MGA: variants seen among roughly 807,000 people sequenced by gnomAD.
The protein encoded by MGA is MAX gene-associated protein.
In MGA, 40 loss-of-function variants were observed where a neutral mutation model predicts 261.1. The ratio of observed to expected loss-of-function variants is 0.15; its 90% CI spans 0.12 to 0.20. The LOEUF (loss-of-function observed/expected upper bound fraction) is 0.20. MGA is among the 10% of genes least tolerant of loss of function. MGA has a pLI of 1.00. For synonymous variants in MGA, 1,302 were observed against 1,290.6 expected (o/e 1.01, Z -0.19); for missense variants, 3,397 against 3,630.5 (o/e 0.94, Z 1.65).
In MGA at chr15:41,696,895, C is replaced by G. The variant is rs773806335; in HGVS notation, c.1885C>G (p.Pro629Ala). 22 of 1,598,430 alleles carry G rather than the reference C, an allele frequency of 1.4e-5. No individual in the cohort carries two copies. The highest frequency in any genetic ancestry group is 1.9e-5 in the Non-Finnish European group (22 of 1,172,102). ...GAAACTCTGTAAGGCAGGACGACCA[C>G]CTAAGAACACAGGAAAGTCTTTAAT... Residue 629 changes from proline to alanine, a missense_variant, in exon 3 of 24, where the codon CCT (proline) becomes GCT (alanine). Pro to Ala is a conservative substitution (Grantham distance 27). Around this residue, in one of 9 missense-constraint regions of MGA, gnomAD observed 563 missense variants for 563.6 expected, o/e 1.00. Coordinates refer to ENST00000219905, the MANE Select transcript of MGA (RefSeq NM_001164273.2).
intron 1 of MGA, among the ~76,000 whole-genome samples, chr15:41,631,711 G>C (rs2056591312): frequency 6.6e-6 from 1 of 151,816 alleles, no homozygotes. Context: ...ATATGAATCT[G>C]AATTTAAAAG....
chr15:41,676,187 A>AT (rs536715101), intron 2 of MGA, among the ~76,000 whole-genome samples: 1,568 of 146,606 alleles, frequency 0.011, 14 homozygotes, highest in South Asian at 0.017. Context: ...CTCTGGTTTG[A>AT]TTTTTTTTTT....
In MGA at chr15:41,668,840, A is replaced by G; in HGVS notation, c.-55A>G. Reference sequence around the variant, plus strand: ...GCTTGTTTCTTAGGATGGGAAGGCCATTGTGACTATGTGGTGATTACAGTT... The same window carrying G: ...GCTTGTTTCTTAGGATGGGAAGGCCGTTGTGACTATGTGGTGATTACAGTT... On this transcript the variant is annotated 5_prime_UTR_variant, in exon 2 of 24. Coordinates refer to ENST00000219905, the MANE Select transcript of MGA (RefSeq NM_001164273.2). 8 of 1,311,820 alleles carry G rather than the reference A, an allele frequency of 6.1e-6. No homozygotes were observed. The highest frequency in any genetic ancestry group is 2.5e-5 in the Admixed American group (1 of 40,650). The allele number at this position is 1,311,820 out of a possible 1,614,324, so 81.3% of individuals were successfully genotyped here. A position where few individuals can be genotyped will look rare whatever the true frequency, so the allele number is the denominator to read the frequency against.
At chr15:41,743,982 T>C (rs74632327) in intron 15 of MGA, among the ~76,000 whole-genome samples, 1 of 152,142 alleles carries the variant, frequency 6.6e-6, no homozygotes, top group African/African-American at 2.4e-5. Flanking sequence ...GGAACTAATA[T>C]GGAAAAGAGC....
In MGA at chr15:41,750,365, T is replaced by C. The variant is rs776892303; in HGVS notation, c.6758T>C (p.Phe2253Ser). The change falls in exon 17 of 24, where the codon TTC becomes TCC. Residue 2253 changes from phenylalanine to serine, a missense_variant. Around this residue, in one of 9 missense-constraint regions of MGA, gnomAD observed 1,410 missense variants for 1,386.4 expected, o/e 1.02. Coordinates refer to ENST00000219905, the MANE Select transcript of MGA (RefSeq NM_001164273.2). Reference sequence around the variant, plus strand: ...AGTAGGATTTCTAATCCTTCAGCCTTCTCCATTGTTCCTAGGAGAGCTGCA... The same window carrying C: ...AGTAGGATTTCTAATCCTTCAGCCTCCTCCATTGTTCCTAGGAGAGCTGCA... 4 of 1,613,972 alleles carry C rather than the reference T, an allele frequency of 2.5e-6. No homozygotes were observed. In the South Asian group the frequency reaches 4.4e-5, roughly 18 times the overall value.
chr15:41,751,158 C>G (rs1198757950), intron 17 of MGA: 1 of 152,266 alleles, frequency 6.6e-6, no homozygotes, highest in Non-Finnish European at 1.5e-5. Context: ...AATTTATATT[C>G]TAGACTTTGG....
rs781706685 is a variant in MGA, at chr15:41,750,516, AGAT to A, written c.6915_6917del (p.Asp2305del). ...ACTTCACTGTTTTGGATTTGGAAGA[AGAT>A]GATGAAGATGATAATGAGAAAACTG... On this transcript the variant is annotated inframe_deletion, in exon 17 of 24. Transcript: ENST00000219905. 1 of 1,613,596 alleles carries A rather than the reference AGAT, an allele frequency of 6.2e-7. No homozygotes were observed. The highest frequency in any genetic ancestry group is 8.5e-7 in the Non-Finnish European group (1 of 1,179,676).
intron 1 of MGA, among the ~76,000 whole-genome samples, chr15:41,643,117 G>T (rs1478358085): frequency 6.8e-6 from 1 of 148,046 alleles, no homozygotes; most frequent in Non-Finnish European, 1.5e-5. Context: ...GTGTTGCTGG[G>T]GTTGGTCTTG....
chr15:41,628,744 T>G (rs1426987788), intron 1 of MGA, among the ~76,000 whole-genome samples: 1 of 151,952 alleles, frequency 6.6e-6, no homozygotes, highest in Non-Finnish European at 1.5e-5. Flanking sequence ...GCCATGAGGT[T>G]TTTGGATTTT....
intron 1 of MGA, among the ~76,000 whole-genome samples, chr15:41,666,197 C>T (rs531105214): frequency 3.3e-5 from 5 of 152,094 alleles, no homozygotes; most frequent in Non-Finnish European, 7.4e-5. Context: ...ACCTGCCCAC[C>T]TGGCCTGTGT....
intron 2 of MGA, among the ~76,000 whole-genome samples, chr15:41,678,090 A>ATTT (rs540221309): frequency 7.3e-6 from 1 of 137,654 alleles, no homozygotes; most frequent in African/African-American, 2.7e-5. Context: ...TCAATTTTGA[A>ATTT]TTTTTTTTTT....
chr15:41,710,663 TAAGC>T, intron 7 of MGA, 24 bp from the exon 8 acceptor site: 2 of 1,562,212 alleles, frequency 1.3e-6, no homozygotes, highest in South Asian at 1.2e-5. Flanking sequence ...TAGATTTCTT[TAAGC>T]ATTTTATGTT....
At chr15:41,656,947 A>ATTT (rs2057215346), upstream of MGA, among the ~76,000 whole-genome samples, 1 of 151,854 alleles carries the variant, frequency 6.6e-6, no homozygotes, top group Non-Finnish European at 1.5e-5. Flanking sequence ...TAATTTTTTA[A>ATTT]TATTTTGCAG....
chr15:41,754,541 G>A lies in MGA; in HGVS notation c.7113G>A (p.Ala2371=), dbSNP rs1225729264. Residue 2371 remains alanine (A), a synonymous_variant, in exon 18 of 24, where the codon GCG becomes GCA. Coordinates refer to ENST00000219905, the MANE Select transcript of MGA (RefSeq NM_001164273.2). ...ATGTTGCTCACCTGAAGACCACAGC[G>A]GCCCACACACAGTCATTCAAACAGC... 20 of 1,588,444 alleles carry A rather than the reference G, an allele frequency of 1.3e-5. No individual in the cohort carries two copies. The highest frequency in any genetic ancestry group is 1.7e-4 in the Middle Eastern group (1 of 6,020).
Position 41,698,956 on chromosome 15 carries a change from T to C in MGA, c.2092+15T>C. On this transcript the variant is annotated intron_variant, in intron 4 of 23. Transcript: ENST00000219905. ...AAATGACTCAGGTATTATAAAATAG[T>C]ATAAAAAGAGTTGTATTTGTGGTTT... 6 of 1,547,144 alleles carry C rather than the reference T, an allele frequency of 3.9e-6. 1 individual carries two copies. In the Middle Eastern group the frequency reaches 1.0e-3, roughly 259 times the overall value.
intron 1 of MGA, among the ~76,000 whole-genome samples, chr15:41,635,523 C>CG (rs879607775): frequency 1.6e-4 from 25 of 151,710 alleles, no homozygotes; most frequent in Admixed American, 1.5e-3. Context: ...AGACCCCCCC[C>CG]CTCCTATAAA....
intron 9 of MGA, 92 bp downstream of exon 9, chr15:41,713,588 C>G: frequency 7.3e-7 from 1 of 1,364,944 alleles, no homozygotes; most frequent in Non-Finnish European, 9.6e-7. Flanking sequence ...TAATCCCGAT[C>G]AATTATCCAA....
intron 1 of MGA, among the ~76,000 whole-genome samples, chr15:41,632,533 A>G (rs1446174612): frequency 2.0e-5 from 3 of 152,124 alleles, no homozygotes; most frequent in African/African-American, 7.2e-5. Context: ...CAGGGCTAAA[A>G]TTTGCCTCAG....
intron 5 of MGA, among the ~76,000 whole-genome samples, chr15:41,701,407 G>T (rs2059846347): frequency 6.6e-6 from 1 of 152,160 alleles, no homozygotes; most frequent in African/African-American, 2.4e-5. Flanking sequence ...CCTAGTATTT[G>T]CTGGTTGGCT....
Sources: gnomAD v4.1 joint callset for allele counts (sites outside exome capture counted in the v4.1 genomes callset) on GRCh38, gnomAD v4.1.1 for gene constraint, gnomAD v4.1.1 regional missense constraint, MANE v1.5 for transcripts, NCBI Gene and HGNC (gene_info 2026-07-23, HGNC 2026-07-21) for gene names.